SLC38A5: variants seen among roughly 807,000 people sequenced by gnomAD.
SLC38A5 encodes sodium-coupled neutral amino acid transporter 5.
A neutral mutation model predicts 34.6 loss-of-function variants in SLC38A5; 9 were observed. The observed-to-expected ratio is 0.26, with a 90% CI of 0.16 to 0.45. The LOEUF is 0.45. Ranked by LOEUF, SLC38A5 falls within the 20% of genes least tolerant of loss-of-function variation. The pLI is 1.00. For missense variants in SLC38A5, 253 were observed against 394.7 expected, an observed-to-expected ratio of 0.64 and a Z score of 3.04; for synonymous variants, 157 against 155.6, an observed-to-expected ratio of 1.01 and a Z score of -0.07.
In SLC38A5 at chrX:48,462,304, A is replaced by T; in HGVS notation, c.575-13T>A. On this transcript the variant is annotated splice_polypyrimidine_tract_variant and intron_variant, in intron 9 of 16. Coordinates refer to ENST00000620913, the MANE Select transcript of SLC38A5 (RefSeq NM_033518.4). The stretch of plus-strand genomic sequence containing the variant: ...TACCCCAGGTAGCCTAAGAGGGGCA[A>T]AACACAGAGTCTCAGAAATCAGCCA... 2 of 1,205,070 alleles carry T rather than the reference A, an allele frequency of 1.7e-6. No individual in the cohort carries two copies. Among genetic ancestry groups the T allele is most frequent in the Non-Finnish European group, 2.2e-6 (2 of 891,294 alleles).
chrX:48,465,590 C>G (rs972163863), intron 8 of SLC38A5, among the ~76,000 whole-genome samples: 1 of 111,480 alleles, frequency 9.0e-6, no homozygotes, highest in African/African-American at 3.3e-5. Flanking sequence ...TCAGAGTGAC[C>G]GAGGGTAAGA....
Position 48,467,919 on chromosome X carries a change from T to C in SLC38A5, c.6A>G (p.Glu2=), listed in dbSNP as rs2061490975. 4 of 1,198,342 alleles carry C rather than the reference T, an allele frequency of 3.3e-6. No individual in the cohort carries two copies. Among genetic ancestry groups the C allele is most frequent in the Non-Finnish European group, 3.4e-6 (3 of 889,029 alleles). The change falls in exon 3 of 17, where the codon GAA becomes GAG. Residue 2 remains glutamate (E), a synonymous_variant. Coordinates refer to ENST00000620913, the MANE Select transcript of SLC38A5 (RefSeq NM_033518.4). The part of the protein sequence containing the change: M[E]LQDPKMNGAL... ...CTCCATTCATCTTTGGATCCTGCAG[T>C]TCCATCCTGTGGGCAAAGAAATGGG...
chrX:48,468,256 C>T (rs1556964097), intron 2 of SLC38A5: 2 of 921,356 alleles, frequency 2.2e-6, no homozygotes, highest in African/African-American at 2.1e-5. Flanking sequence ...CGCAGATGAG[C>T]CGACCACGTG....
intron 2 of SLC38A5, 21 bp from the exon 3 acceptor site, chrX:48,467,946 TG>T: frequency 1.7e-6 from 2 of 1,180,491 alleles, no homozygotes; most frequent in South Asian, 1.9e-5. Flanking sequence ...AGAAATGGGG[TG>T]GGGGGATCAG....
chrX:48,464,924 ACT>A (rs1318316672), intron 8 of SLC38A5, among the ~76,000 whole-genome samples: 5 of 103,408 alleles, frequency 4.8e-5, no homozygotes, highest in Admixed American at 1.0e-4. Context: ...ACAGAATGAG[ACT>A]CTGTCAAAAA....
intron 2 of SLC38A5, chrX:48,468,166 G>T: frequency 9.8e-7 from 1 of 1,023,470 alleles, no homozygotes. Flanking sequence ...TAGTTACTCA[G>T]AGAGACACAG....
intron 6 of SLC38A5, among the ~76,000 whole-genome samples, chrX:48,466,530 G>C (rs2061477954): frequency 9.2e-6 from 1 of 108,157 alleles, no homozygotes. Context: ...ATGAGGGCTG[G>C]AGGTAAGAGT....
At chrX:48,468,246 C>T (rs1160512236) in intron 2 of SLC38A5, 136 of 935,461 alleles carry the variant, frequency 1.5e-4, no homozygotes, top group Non-Finnish European at 1.6e-4. Context: ...CGGACCCCAG[C>T]GCAGATGAGC....
intron 4 of SLC38A5, 59 bp from the exon 5 acceptor site, chrX:48,467,136 T>A (rs2061483491): frequency 7.0e-6 from 7 of 1,000,648 alleles, no homozygotes; most frequent in Non-Finnish European, 9.8e-6. Flanking sequence ...GTAAGGAGAC[T>A]AATGCCAGGG....
chrX:48,459,077 A>G, intron 16 of SLC38A5, 43 bp from the exon 17 acceptor site: 1 of 1,129,942 alleles, frequency 8.9e-7, no homozygotes, highest in Non-Finnish European at 1.2e-6. Flanking sequence ...GGGACTCCTC[A>G]CCCAGTTGCC....
chrX:48,467,941 T>C lies in SLC38A5; in HGVS notation c.-1-16A>G, dbSNP rs1556964002. Reference sequence around the variant, plus strand: ...CAGTTCCATCCTGTGGGCAAAGAAATGGGGTGGGGGGATCAGAGATGGAAC... The same window carrying C: ...CAGTTCCATCCTGTGGGCAAAGAAACGGGGTGGGGGGATCAGAGATGGAAC... On this transcript the variant is annotated splice_polypyrimidine_tract_variant and intron_variant, in intron 2 of 16. Coordinates refer to ENST00000620913, the MANE Select transcript of SLC38A5 (RefSeq NM_033518.4). The C allele has an allele frequency of 1.7e-6, 2 of 1,187,627 alleles. No homozygotes were observed. Among genetic ancestry groups the C allele is most frequent in the South Asian group, 1.8e-5 (1 of 54,414 alleles).
In SLC38A5 at chrX:48,466,053, G is replaced by A; in HGVS notation, c.453C>T (p.Pro151=). The part of the protein sequence containing the change: ...SYLFIIKSEL[P]LVIGTFLYMD... ...TGTACAGGAAGGTGCCGATAACCAG[G>A]GGGAGCTCAGATTTGATGATGAACA... Residue 151 remains proline, a synonymous_variant, in exon 8 of 17, where the codon CCC becomes CCT. Transcript: ENST00000620913. 8.3e-7 allele frequency: 1 copy of A among 1,204,303 alleles called. No individual in the cohort carries two copies. The highest frequency in any genetic ancestry group is 1.1e-6 in the Non-Finnish European group (1 of 891,573).
intron 2 of SLC38A5, chrX:48,468,147 G>C: frequency 2.0e-6 from 2 of 994,703 alleles, no homozygotes. Context: ...AAGGAGAGAA[G>C]CCAACAGTTA....
At chrX:48,465,441 C>T (rs1203117790) in intron 8 of SLC38A5, among the ~76,000 whole-genome samples, 23 of 111,767 alleles carry the variant, frequency 2.1e-4, no homozygotes, top group African/African-American at 6.5e-5. Context: ...CAGCATACTA[C>T]GTGCACACAG....
Position 48,461,987 on chromosome X carries a change from C to G in SLC38A5, c.771+20G>C. 9.6e-6 allele frequency: 11 copies of G among 1,148,178 alleles called. No homozygotes were observed. Among genetic ancestry groups the G allele is most frequent in the Non-Finnish European group, 1.3e-5 (11 of 863,499 alleles). The allele number at this position is 1,148,178 out of a possible 1,213,427, so 94.6% of individuals were successfully genotyped here. A position where few individuals can be genotyped will look rare whatever the true frequency, so the allele number is the denominator to read the frequency against. On this transcript the variant is annotated intron_variant, in intron 11 of 16. Transcript: ENST00000620913. The stretch of plus-strand genomic sequence containing the variant: ...GAGGGCCTGAGTGTGATGCAATCTC[C>G]TACATGCCTGCACACACACCTGTGA...
Position 48,461,195 on chromosome X carries a change from C to T in SLC38A5, c.852-109G>A, listed in dbSNP as rs782807291. The T allele has an allele frequency of 1.4e-5, 9 of 635,051 alleles. No homozygotes were observed. In the African/African-American group the frequency reaches 2.0e-4, roughly 14 times the overall value. The allele number at this position is 635,051 out of a possible 1,213,427, so 52.3% of individuals were successfully genotyped here. On this transcript the variant is annotated intron_variant, in intron 12 of 16. Coordinates refer to ENST00000620913, the MANE Select transcript of SLC38A5 (RefSeq NM_033518.4). ...AGTCCCCTTCTCCCAGACTGCCATT[C>T]AGCTGGCACACATGGGGACACCCGT...
Position 48,462,068 on chromosome X carries a change from C to T in SLC38A5, c.710G>A (p.Gly237Glu). The T allele has an allele frequency of 2.6e-6, 3 of 1,165,520 alleles. No homozygotes were observed. Among genetic ancestry groups the T allele is most frequent in the Non-Finnish European group, 3.4e-6 (3 of 870,504 alleles). ...ETAMESEALV[G>E]LPSQGLNSSC... Reference sequence around the variant, plus strand: ...GCTGTTGAGTCCTTGGCTGGGGAGTCCCACGAGAGCTTCACTCTCCATTGC... The same window carrying T: ...GCTGTTGAGTCCTTGGCTGGGGAGTTCCACGAGAGCTTCACTCTCCATTGC... The change falls in exon 11 of 17, where the codon GGA (glycine) becomes GAA (glutamate). Residue 237 changes from glycine to glutamate, a missense_variant. Around this residue, in one of 3 missense-constraint regions of SLC38A5, gnomAD observed 176 missense variants for 273.0 expected, o/e 0.64. Coordinates refer to ENST00000620913, the MANE Select transcript of SLC38A5 (RefSeq NM_033518.4).
chrX:48,462,173 G>A (rs200538981), intron 10 of SLC38A5, 29 bp from the exon 11 acceptor site: 3 of 1,209,073 alleles, frequency 2.5e-6, no homozygotes, highest in South Asian at 1.8e-5. Context: ...GGGAAGCCAG[G>A]TCATGGAGGA....
Position 48,460,967 on chromosome X carries a change from TAGCCCC to T in SLC38A5, c.952+13_952+18del. 2.2e-6 allele frequency: 1 copy of T among 459,315 alleles called. No individual in the cohort carries two copies. Among genetic ancestry groups the T allele is most frequent in the Non-Finnish European group, 3.6e-6 (1 of 274,955 alleles). 37.9% of individuals were successfully genotyped at this position (459,315 alleles called of 1,213,427 possible). A position where few individuals can be genotyped will look rare whatever the true frequency, so the allele number is the denominator to read the frequency against. ...CAGGCCTTCCCCCTCCCCCCAGCCC[TAGCCCC>T]AGCCCCACTCACTGTAGAAGGTGAG... is the stretch of plus-strand genomic sequence containing the variant. On this transcript the variant is annotated intron_variant, in intron 13 of 16. Coordinates refer to ENST00000620913, the MANE Select transcript of SLC38A5 (RefSeq NM_033518.4).
Sources: allele counts gnomAD v4.1 joint callset (sites outside exome capture counted in the v4.1 genomes callset), GRCh38; gene constraint gnomAD v4.1.1; regional missense constraint gnomAD v4.1.1; transcripts MANE v1.5; gene names NCBI Gene and HGNC (gene_info 2026-07-23, HGNC 2026-07-21).